The following LYRM4 variants were observed in gnomAD, a reference collection of about 807,000 sequenced individuals.
LYRM4 encodes LYR motif-containing protein 4.
A neutral mutation model predicts 11.7 loss-of-function variants in LYRM4; 9 were observed. The ratio of observed to expected loss-of-function variants is 0.77; its 90% CI spans 0.46 to 1.34. LYRM4 has a LOEUF of 1.34. Among genes scored for constraint, LYRM4 ranks in the 40% most tolerant of loss-of-function variants. The pLI is 0.00. For missense variants in LYRM4, 133 were observed against 112.5 expected (o/e 1.18, Z -0.82); for synonymous variants, 42 against 40.4 (o/e 1.04, Z -0.15).
the LYRM4 span, among the ~76,000 whole-genome samples, chr6:5,081,284 G>A: frequency 1.3e-5 from 2 of 152,166 alleles, no homozygotes; most frequent in African/African-American, 4.8e-5. Context: ...GGGACAGTGA[G>A]CTTGGAAAAG....
chr6:5,260,617 C>G (rs1765012849), intron 1 of LYRM4, 31 bp downstream of exon 1: 1 of 1,491,596 alleles, frequency 6.7e-7, no homozygotes, highest in Non-Finnish European at 8.9e-7. Flanking sequence ...CCTGGCCCCC[C>G]GCCCCCGGCC....
At chr6:5,207,883 A>C (rs2127713582) in intron 2 of LYRM4, among the ~76,000 whole-genome samples, 1 of 152,282 alleles carries the variant, frequency 6.6e-6, no homozygotes, top group Admixed American at 6.5e-5. Context: ...CAATTAGAAA[A>C]AGGAAACATG....
At chr6:5,213,475 G>A (rs960968880) in intron 2 of LYRM4, among the ~76,000 whole-genome samples, 16 of 152,206 alleles carry the variant, frequency 1.1e-4, no homozygotes, top group Admixed American at 5.2e-4. Context: ...ATGTCTGGCA[G>A]CTGGAAAAGT....
At chr6:5,201,904 C>G (rs561726646) in intron 2 of LYRM4, among the ~76,000 whole-genome samples, 1 of 152,186 alleles carries the variant, frequency 6.6e-6, no homozygotes, top group African/African-American at 2.4e-5. Context: ...TTACTGGCTG[C>G]GGAGTCTTAA....
chr6:5,034,968 C>T, the LYRM4 span, among the ~76,000 whole-genome samples: 1 of 151,680 alleles, frequency 6.6e-6, no homozygotes, highest in South Asian at 2.1e-4. Flanking sequence ...TGTAAAAATA[C>T]CCGCTGAGTG....
chr6:5,120,424 T>G (rs558432522), intron 2 of LYRM4, among the ~76,000 whole-genome samples: 1 of 152,286 alleles, frequency 6.6e-6, no homozygotes, highest in Admixed American at 6.5e-5. Context: ...CTCTCTGACT[T>G]CAGGAATGAA....
the LYRM4 span, chr6:5,032,515 C>T: frequency 2.6e-5 from 4 of 152,068 alleles, no homozygotes; most frequent in East Asian, 5.8e-4. Flanking sequence ...ATTTCAGAGG[C>T]GCAGTTTGAC....
chr6:5,050,980 G>A, the LYRM4 span, among the ~76,000 whole-genome samples: 2 of 152,096 alleles, frequency 1.3e-5, no homozygotes, highest in South Asian at 2.1e-4. Flanking sequence ...TCAATAAAGA[G>A]ACAGAAAACA....
chr6:5,085,046 C>T, the LYRM4 span: 1 of 178,888 alleles, frequency 5.6e-6, no homozygotes, highest in Non-Finnish European at 1.2e-5. Context: ...CTCTGCACCC[C>T]CACTTCGAGG....
At chr6:5,260,231 A>G (rs961518312) in intron 1 of LYRM4, among the ~76,000 whole-genome samples, 1 of 152,194 alleles carries the variant, frequency 6.6e-6, no homozygotes, top group African/African-American at 2.4e-5. Context: ...GCTTTGTCGC[A>G]GTGTACTACT....
intron 2 of LYRM4, chr6:5,136,103 A>G: frequency 5.6e-6 from 1 of 178,058 alleles, no homozygotes; most frequent in Non-Finnish European, 1.1e-5. Context: ...AGGGCTGAGT[A>G]ACATTCCATT....
At chr6:5,195,661 CCCCACAGTATGAAG>C (rs1348597122) in intron 2 of LYRM4, among the ~76,000 whole-genome samples, 1 of 151,966 alleles carries the variant, frequency 6.6e-6, no homozygotes, top group Non-Finnish European at 1.5e-5. Flanking sequence ...AACAAAGAAC[CCCCACAGTATGAAG>C]CCCTTCTCAC....
At chr6:5,194,197 G>A (rs1268999319) in intron 2 of LYRM4, among the ~76,000 whole-genome samples, 1 of 152,138 alleles carries the variant, frequency 6.6e-6, no homozygotes, top group South Asian at 2.1e-4. Flanking sequence ...TTGGGGATTA[G>A]AAAAGATACG....
intron 2 of LYRM4, among the ~76,000 whole-genome samples, chr6:5,162,030 T>C (rs1023820340): frequency 2.0e-5 from 3 of 152,080 alleles, no homozygotes; most frequent in African/African-American, 7.2e-5. Flanking sequence ...AGAAAAAAAG[T>C]GTAAAAAGAA....
At chr6:5,133,259 G>T (rs1206700177) in intron 2 of LYRM4, among the ~76,000 whole-genome samples, 2 of 152,116 alleles carry the variant, frequency 1.3e-5, no homozygotes, top group Admixed American at 1.3e-4. Flanking sequence ...TTCTTCTTAG[G>T]TTTTCCTAAA....
chr6:5,216,770 G>A, intron 1 of LYRM4, 32 bp from the exon 2 acceptor site: 1 of 1,601,384 alleles, frequency 6.2e-7, no homozygotes. Flanking sequence ...AAAAGAAAAG[G>A]TGTCAGCGTG....
intron 2 of LYRM4, among the ~76,000 whole-genome samples, chr6:5,156,570 C>A (rs928171371): frequency 2.0e-5 from 3 of 152,196 alleles, no homozygotes; most frequent in Non-Finnish European, 4.4e-5. Context: ...CGGGGCTGCC[C>A]GTGCATCTTG....
At chr6:5,185,124 G>A (rs948853423) in intron 2 of LYRM4, among the ~76,000 whole-genome samples, 2 of 152,186 alleles carry the variant, frequency 1.3e-5, no homozygotes, top group Non-Finnish European at 2.9e-5. Flanking sequence ...AGCTCCTCGA[G>A]GGTCGAGTCG....
At chr6:5,063,676 GC>G in the LYRM4 span, among the ~76,000 whole-genome samples, 5 of 152,258 alleles carry the variant, frequency 3.3e-5, no homozygotes, top group South Asian at 1.0e-3. Flanking sequence ...GGTGTGTGTG[GC>G]TTCCTCCCCC....
Sources: gnomAD v4.1 joint callset for allele counts (sites outside exome capture counted in the v4.1 genomes callset) on GRCh38, gnomAD v4.1.1 for gene constraint, MANE v1.5 for transcripts, NCBI Gene and HGNC (gene_info 2026-07-23, HGNC 2026-07-21) for gene names.